The following PHF24 variants were observed in gnomAD, a reference collection of about 807,000 sequenced individuals.
The protein encoded by PHF24 is PHD finger protein 24, also known as Galpha inhibitory interacting protein.
In PHF24, 25 loss-of-function variants were observed where a neutral mutation model predicts 42.6. The ratio of observed to expected loss-of-function variants is 0.59; its 90% CI spans 0.43 to 0.82. The LOEUF is 0.82. Ranked by LOEUF, PHF24 falls within the 40% of genes least tolerant of loss-of-function variation. The probability of loss-of-function intolerance (pLI) is 0.00; values close to 1 mark genes in which losing one functional copy is unlikely to be tolerated. For missense variants in PHF24, 470 were observed against 538.1 expected, an observed-to-expected ratio of 0.87 and a Z score of 1.25; for synonymous variants, 185 against 204.8, an observed-to-expected ratio of 0.90 and a Z score of 0.83.
the PHF24 span, among the ~76,000 whole-genome samples, chr9:34,883,556 A>G: frequency 6.6e-6 from 1 of 152,370 alleles, no homozygotes; most frequent in South Asian, 2.1e-4. Flanking sequence ...TGGGTGAAGG[A>G]TATGAACAGA....
At chr9:34,942,158 C>G in the PHF24 span, among the ~76,000 whole-genome samples, 2 of 152,162 alleles carry the variant, frequency 1.3e-5, no homozygotes, top group Non-Finnish European at 2.9e-5. Context: ...CCTCCAAATC[C>G]TACTGGCAGG....
At chr9:34,915,295 T>C in the PHF24 span, among the ~76,000 whole-genome samples, 1 of 152,176 alleles carries the variant, frequency 6.6e-6, no homozygotes, top group Non-Finnish European at 1.5e-5. Flanking sequence ...CATGTGCGTC[T>C]GCTTTTCCTA....
At chr9:34,714,663 C>T in the PHF24 span, among the ~76,000 whole-genome samples, 2 of 152,160 alleles carry the variant, frequency 1.3e-5, no homozygotes, top group African/African-American at 2.4e-5. Context: ...GACACAGAGC[C>T]GGTGAAAGGG....
the PHF24 span, among the ~76,000 whole-genome samples, chr9:34,795,295 C>T: frequency 0.94 from 143,024 of 152,038 alleles, 67,631 homozygotes; most frequent in Non-Finnish European, 0.99. Context: ...GAAAATGAAA[C>T]GACACCTTTA....
At chr9:34,765,024 TA>T in the PHF24 span, among the ~76,000 whole-genome samples, 2 of 152,186 alleles carry the variant, frequency 1.3e-5, no homozygotes, top group Non-Finnish European at 2.9e-5. Flanking sequence ...GTGAGTTTCT[TA>T]ATCGTGAGTT....
At chr9:34,838,841 C>T in the PHF24 span, among the ~76,000 whole-genome samples, 11 of 152,322 alleles carry the variant, frequency 7.2e-5, no homozygotes, top group Admixed American at 5.9e-4. Flanking sequence ...AAACTGAGTG[C>T]TTTGGCACAG....
chr9:34,762,199 T>C, the PHF24 span, among the ~76,000 whole-genome samples: 21 of 152,088 alleles, frequency 1.4e-4, no homozygotes, highest in African/African-American at 5.1e-4. Context: ...TATAGTCATT[T>C]GGGTATATAC....
At chr9:34,918,243 C>T in the PHF24 span, 17 of 1,486,638 alleles carry the variant, frequency 1.1e-5, 1 homozygote, top group South Asian at 1.0e-4. Flanking sequence ...AGCCCTCATC[C>T]GCACGTGTCT....
the PHF24 span, among the ~76,000 whole-genome samples, chr9:34,847,655 G>C: frequency 6.6e-6 from 1 of 151,494 alleles, no homozygotes; most frequent in Admixed American, 6.6e-5. Context: ...GGAGTGGTGA[G>C]AGAGGGCATC....
At chr9:34,814,110 A>G in the PHF24 span, among the ~76,000 whole-genome samples, 1 of 152,220 alleles carries the variant, frequency 6.6e-6, no homozygotes, top group African/African-American at 2.4e-5. Context: ...ATAAGGAAAC[A>G]GGAAACCTCA....
At chr9:34,939,976 AG>A in the PHF24 span, among the ~76,000 whole-genome samples, 1 of 152,148 alleles carries the variant, frequency 6.6e-6, no homozygotes, top group South Asian at 2.1e-4. Flanking sequence ...TTTAAGTTCC[AG>A]CTCCCTTTCT....
chr9:34,839,585 G>A, the PHF24 span, among the ~76,000 whole-genome samples: 10 of 152,206 alleles, frequency 6.6e-5, no homozygotes, highest in South Asian at 1.2e-3. Context: ...AGCCAAAAGC[G>A]GAGAAAAAAA....
the PHF24 span, among the ~76,000 whole-genome samples, chr9:34,901,847 T>C: frequency 1.3e-5 from 2 of 152,220 alleles, no homozygotes; most frequent in Non-Finnish European, 2.9e-5. Flanking sequence ...AGCTTGTATA[T>C]GTTGAGATGC....
At chr9:34,675,788 G>A in the PHF24 span, among the ~76,000 whole-genome samples, 1 of 152,124 alleles carries the variant, frequency 6.6e-6, no homozygotes, top group Non-Finnish European at 1.5e-5. Flanking sequence ...AGGGCCCCTG[G>A]ATGTAAAGCT....
At chr9:34,823,132 C>T in the PHF24 span, among the ~76,000 whole-genome samples, 40 of 137,670 alleles carry the variant, frequency 2.9e-4, no homozygotes, top group Admixed American at 2.7e-3. Context: ...GGAAGCGGAG[C>T]TTGCAGTGAG....
the PHF24 span, among the ~76,000 whole-genome samples, chr9:34,819,866 T>G: frequency 6.6e-6 from 1 of 152,164 alleles, no homozygotes; most frequent in South Asian, 2.1e-4. Flanking sequence ...ATCTGTGTAT[T>G]TATTTTCCCA....
At chr9:34,768,073 G>T in the PHF24 span, among the ~76,000 whole-genome samples, 2 of 152,160 alleles carry the variant, frequency 1.3e-5, no homozygotes, top group Non-Finnish European at 2.9e-5. Flanking sequence ...TGCTATATTT[G>T]AATGGTGACA....
the PHF24 span, among the ~76,000 whole-genome samples, chr9:34,789,925 C>A: frequency 6.6e-6 from 1 of 152,188 alleles, no homozygotes; most frequent in African/African-American, 2.4e-5. Context: ...TAACTCACTG[C>A]AGCCTCAAAC....
At chr9:34,749,192 A>G in the PHF24 span, among the ~76,000 whole-genome samples, 1 of 152,086 alleles carries the variant, frequency 6.6e-6, no homozygotes, top group Non-Finnish European at 1.5e-5. Context: ...ATGAAATACA[A>G]TGAAGCATGC....
Sources: allele counts gnomAD v4.1 joint callset (sites outside exome capture counted in the v4.1 genomes callset), GRCh38; gene constraint gnomAD v4.1.1; transcripts MANE v1.5; gene names NCBI Gene and HGNC (gene_info 2026-07-23, HGNC 2026-07-21).